Variants in ZNF334 observed in about 807,000 individuals in gnomAD.
ZNF334 encodes the protein zinc finger protein 334.
ZNF334 carries 14 observed loss-of-function variants against 12.4 expected under a neutral mutation model. The ratio of observed to expected loss-of-function variants is 1.13; its 90% CI spans 0.74 to 1.76. The LOEUF is 1.76. ZNF334 is among the 40% of genes most tolerant of loss of function. The probability of loss-of-function intolerance (pLI) is 0.00; values close to 1 mark genes in which losing one functional copy is unlikely to be tolerated. For missense variants in ZNF334, 797 were observed against 804.5 expected, an observed-to-expected ratio of 0.99 and a Z score of 0.11; for synonymous variants, 273 against 269.6, an observed-to-expected ratio of 1.01 and a Z score of -0.12.
chr20:46,474,897 AT>A, the ZNF334 span, among the ~76,000 whole-genome samples: 6 of 152,322 alleles, frequency 3.9e-5, no homozygotes, highest in Admixed American at 1.3e-4. Flanking sequence ...CCATCAATAA[AT>A]GGTAGTTTAG....
At chr20:46,490,161 A>G in the ZNF334 span, among the ~76,000 whole-genome samples, 1 of 152,230 alleles carries the variant, frequency 6.6e-6, no homozygotes, top group Admixed American at 6.5e-5. Context: ...TGTATATACC[A>G]AAAATATAAT....
At chr20:46,486,081 T>C in the ZNF334 span, among the ~76,000 whole-genome samples, 1 of 152,228 alleles carries the variant, frequency 6.6e-6, no homozygotes, top group African/African-American at 2.4e-5. Context: ...TAAAACCATG[T>C]ATCCTGTTTA....
At chr20:46,469,353 C>T in the ZNF334 span, among the ~76,000 whole-genome samples, 41 of 151,574 alleles carry the variant, frequency 2.7e-4, no homozygotes, top group African/African-American at 8.5e-4. Flanking sequence ...TCCACCCCGC[C>T]TCCCAGCCCT....
At position 46,500,068 on chromosome 20, in the gene ZNF334, A is replaced by T. The variant is rs2061102553; in HGVS notation, c.*1228T>A. Reference sequence around the variant, plus strand: ...TTAGCTGAATGACAGAATTAGACCAATTTACCAATCACAGGCAATATCTGT... The same window carrying T: ...TTAGCTGAATGACAGAATTAGACCATTTTACCAATCACAGGCAATATCTGT... On this transcript the variant is annotated 3_prime_UTR_variant, in exon 5 of 5. Transcript: ENST00000692313. 1 of 152,174 alleles carries T rather than the reference A, an allele frequency of 6.6e-6. No individual in the cohort carries two copies. Among genetic ancestry groups the T allele is most frequent in the South Asian group, 2.1e-4 (1 of 4,830 alleles). 9.4% of individuals were successfully genotyped at this position (152,174 alleles called of 1,614,324 possible).
the ZNF334 span, chr20:46,492,518 A>G: frequency 6.5e-6 from 1 of 153,262 alleles, no homozygotes; most frequent in Non-Finnish European, 1.5e-5. Flanking sequence ...TTCAAATCTT[A>G]GTAAACACAA....
the ZNF334 span, among the ~76,000 whole-genome samples, chr20:46,472,567 A>G: frequency 3.9e-5 from 6 of 152,228 alleles, no homozygotes; most frequent in South Asian, 6.2e-4. Flanking sequence ...GAGAAATCAC[A>G]AAGTGTAAAA....
At chr20:46,483,864 A>C in the ZNF334 span, among the ~76,000 whole-genome samples, 1 of 152,336 alleles carries the variant, frequency 6.6e-6, no homozygotes, top group East Asian at 1.9e-4. Context: ...ATCACAGTTT[A>C]TAAAATAATC....
At chr20:46,507,559 G>A (rs534877963) in intron 2 of ZNF334, among the ~76,000 whole-genome samples, 1 of 152,206 alleles carries the variant, frequency 6.6e-6, no homozygotes, top group Non-Finnish European at 1.5e-5. Context: ...GGAAACACAG[G>A]TATTTTGTGT....
chr20:46,504,416 A>G, intron 3 of ZNF334, 110 bp from the exon 4 acceptor site: 1 of 1,128,448 alleles, frequency 8.9e-7, no homozygotes, highest in Non-Finnish European at 1.3e-6. Context: ...GCCCAGCAAT[A>G]GCTCAGTAAA....
At chr20:46,495,851 A>G (rs1273922270), downstream of ZNF334, among the ~76,000 whole-genome samples, 2 of 152,194 alleles carry the variant, frequency 1.3e-5, no homozygotes, top group Non-Finnish European at 2.9e-5. Context: ...GCTTGGGAAC[A>G]GCAAGAATTC....
Position 46,501,705 on chromosome 20 carries a change from T to A in ZNF334, c.1634A>T (p.Glu545Val), listed in dbSNP as rs1198865903. Residue 545 changes from glutamate (E) to valine (V), a missense_variant, in exon 5 of 5, where the codon GAA (glutamate) becomes GTA (valine). Coordinates refer to ENST00000692313, the MANE Select transcript of ZNF334 (RefSeq NM_001353824.2). ...GTAGGTTCTCCCACATTCATTGCATTCATATGGTCTCTCCCATATAGTTCT... is the reference window on the plus strand; with the variant it reads ...GTAGGTTCTCCCACATTCATTGCATACATATGGTCTCTCCCATATAGTTCT... The part of the protein sequence containing the change: ...HQRTIWERPY[E>V]CNECGRTYCR... 41 of 1,614,152 alleles carry A rather than the reference T, an allele frequency of 2.5e-5. No individual in the cohort carries two copies. The highest frequency in any genetic ancestry group is 3.3e-5 in the Non-Finnish European group (39 of 1,179,998).
At position 46,501,799 on chromosome 20, in the gene ZNF334, C is replaced by A; in HGVS notation, c.1540G>T (p.Glu514Ter). ...CSQCKRMNTK[E>*]NLYECSEHGH... ...TGTTCACTACACTCATAAAGATTCT[C>A]CTTTGTGTTCATTCTCTTACACTGA... Residue 514 changes from glutamate (E) to a stop codon, truncating the protein, a stop_gained, in exon 5 of 5, where the codon GAG becomes TAG. Coordinates refer to ENST00000692313, the MANE Select transcript of ZNF334 (RefSeq NM_001353824.2). LOFTEE classifies it low-confidence loss of function (END_TRUNC). 1 of 1,614,098 alleles carries A rather than the reference C, an allele frequency of 6.2e-7. No homozygotes were observed. The highest frequency in any genetic ancestry group is 8.5e-7 in the Non-Finnish European group (1 of 1,180,002).
chr20:46,506,795 C>A (rs968463683), intron 2 of ZNF334, among the ~76,000 whole-genome samples: 4 of 152,008 alleles, frequency 2.6e-5, no homozygotes, highest in Non-Finnish European at 4.4e-5. Context: ...TCTAAAATAT[C>A]TTTCTATACG....
chr20:46,509,777 G>T, intron 2 of ZNF334: 1 of 665,694 alleles, frequency 1.5e-6, no homozygotes, highest in Non-Finnish European at 2.8e-6. Context: ...GCCTGGTGTG[G>T]GTGGGTGGCA....
chr20:46,512,267 A>C, intron 1 of ZNF334, 127 bp from the exon 2 acceptor site: 1 of 630,110 alleles, frequency 1.6e-6, no homozygotes, highest in Admixed American at 2.9e-5. Context: ...TCAGGAAGCA[A>C]CATGTTGAGG....
At chr20:46,481,927 G>A in the ZNF334 span, among the ~76,000 whole-genome samples, 46 of 152,086 alleles carry the variant, frequency 3.0e-4, no homozygotes, top group Non-Finnish European at 4.4e-5. Context: ...AAGGGACTTT[G>A]CAGGTGTCAT....
At chr20:46,487,820 A>AT in the ZNF334 span, among the ~76,000 whole-genome samples, 3 of 152,184 alleles carry the variant, frequency 2.0e-5, no homozygotes, top group African/African-American at 7.2e-5. Flanking sequence ...TTAGCAAATA[A>AT]TTTGGTTTTA....
the ZNF334 span, among the ~76,000 whole-genome samples, chr20:46,478,115 T>C: frequency 7.7e-3 from 1,170 of 152,334 alleles, 15 homozygotes; most frequent in African/African-American, 0.027. Context: ...GAATTATAGT[T>C]GTCAATGAAA....
the ZNF334 span, among the ~76,000 whole-genome samples, chr20:46,473,116 G>T: frequency 6.6e-6 from 1 of 151,860 alleles, no homozygotes. Flanking sequence ...CACTTTTATT[G>T]GCATAAATTG....
Sources: gnomAD v4.1 joint callset for allele counts (sites outside exome capture counted in the v4.1 genomes callset) on GRCh38, gnomAD v4.1.1 for gene constraint, MANE v1.5 for transcripts, NCBI Gene and HGNC (gene_info 2026-07-23, HGNC 2026-07-21) for gene names.